Variants in CNTN5 observed in about 807,000 individuals in gnomAD.
CNTN5 encodes the protein contactin 5.
In CNTN5, 77 loss-of-function variants were observed where a neutral mutation model predicts 129.1. That is an observed-to-expected ratio of 0.60 (90% CI 0.50 to 0.72). CNTN5 has a LOEUF of 0.72. Ranked by LOEUF, CNTN5 falls within the 30% of genes least tolerant of loss-of-function variation. The pLI is 0.00. For missense variants in CNTN5, 1,478 were observed against 1,328.8 expected (o/e 1.11, Z -1.75); for synonymous variants, 509 against 465.6 (o/e 1.09, Z -1.20).
chr11:99,777,990 G>A (rs371519847), intron 3 of CNTN5, among the ~76,000 whole-genome samples: 5 of 151,876 alleles, frequency 3.3e-5, no homozygotes, highest in African/African-American at 1.2e-4. Context: ...CATAATAGGC[G>A]TACCCTTACA....
At chr11:100,351,562 A>G (rs1211595833) in intron 24 of CNTN5, among the ~76,000 whole-genome samples, 1 of 150,844 alleles carries the variant, frequency 6.6e-6, no homozygotes, top group East Asian at 2.0e-4. Flanking sequence ...ACATATCTCC[A>G]TCACCACCAT....
intron 3 of CNTN5, among the ~76,000 whole-genome samples, chr11:99,569,796 G>T (rs908434297): frequency 6.6e-6 from 1 of 152,036 alleles, no homozygotes; most frequent in Non-Finnish European, 1.5e-5. Context: ...GTAATTTCTG[G>T]TGAAGAAACA....
intron 2 of CNTN5, among the ~76,000 whole-genome samples, chr11:99,352,529 T>C (rs1318618892): frequency 1.3e-5 from 2 of 152,170 alleles, no homozygotes; most frequent in African/African-American, 4.8e-5. Flanking sequence ...TTTTTTTCTA[T>C]AACTGATCTC....
rs539378488 is a variant in CNTN5, at chr11:99,758,005, A to G, written c.56-61539A>G. ...CATTTTGCTTAATTGTAGAAGCAGT[A>G]TTTTAGAAACAAAATACTAATCTTT... On this transcript the variant is annotated intron_variant, in intron 3 of 24. Transcript: ENST00000524871. Among the ~76,000 whole-genome samples, 11 of 152,190 alleles carry G rather than the reference A, an allele frequency of 7.2e-5. No individual in the cohort carries two copies. In the South Asian group the frequency reaches 2.1e-3, roughly 29 times the overall value.
intron 1 of CNTN5, among the ~76,000 whole-genome samples, chr11:99,138,926 G>C (rs1859372826): frequency 6.6e-6 from 1 of 152,068 alleles, no homozygotes. Flanking sequence ...AATAGATATG[G>C]TAGCAAAGAA....
At chr11:99,128,387 G>C (rs985744782) in intron 1 of CNTN5, among the ~76,000 whole-genome samples, 2 of 152,196 alleles carry the variant, frequency 1.3e-5, no homozygotes, top group African/African-American at 4.8e-5. Context: ...CGGCCAGACT[G>C]CTTCTTTAGG....
At chr11:100,052,704 A>G (rs771296866) in intron 9 of CNTN5, among the ~76,000 whole-genome samples, 4 of 151,788 alleles carry the variant, frequency 2.6e-5, no homozygotes, top group African/African-American at 4.8e-5. Flanking sequence ...AAATTTAGCA[A>G]GCTACTTCTG....
chr11:99,980,072 C>T (rs1938236198), intron 8 of CNTN5, among the ~76,000 whole-genome samples: 1 of 152,150 alleles, frequency 6.6e-6, no homozygotes, highest in Non-Finnish European at 1.5e-5. Context: ...ATGATTAGTG[C>T]ATAACCTGAA....
Position 99,556,165 on chromosome 11 carries a change from C to A in CNTN5, c.-50C>A, listed in dbSNP as rs1448015610. On this transcript the variant is annotated 5_prime_UTR_variant, in exon 3 of 25. Transcript: ENST00000524871. ...AACAGGGCACTCTTTAATGAAGAAACACCAGAGCTGTTAAACACATTGAGA... is the reference window on the plus strand; with the variant it reads ...AACAGGGCACTCTTTAATGAAGAAAAACCAGAGCTGTTAAACACATTGAGA... 1 of 1,117,902 alleles carries A rather than the reference C, an allele frequency of 8.9e-7. No individual in the cohort carries two copies. The highest frequency in any genetic ancestry group is 1.3e-6 in the Non-Finnish European group (1 of 794,816). 69.2% of individuals were successfully genotyped at this position (1,117,902 alleles called of 1,614,324 possible).
chr11:99,255,219 G>A (rs1248556888), intron 1 of CNTN5, among the ~76,000 whole-genome samples: 1 of 151,816 alleles, frequency 6.6e-6, no homozygotes, highest in Admixed American at 6.6e-5. Flanking sequence ...AAGAGTTAAT[G>A]ATTTGGGGAT....
intron 2 of CNTN5, among the ~76,000 whole-genome samples, chr11:99,420,819 G>C (rs957603359): frequency 3.9e-5 from 6 of 152,042 alleles, no homozygotes; most frequent in Non-Finnish European, 7.4e-5. Context: ...ATAAAATTTT[G>C]ATATATTTCC....
intron 6 of CNTN5, among the ~76,000 whole-genome samples, chr11:99,847,230 A>G: frequency 6.6e-6 from 1 of 152,330 alleles, no homozygotes; most frequent in East Asian, 1.9e-4. Context: ...TAGAGCAGAA[A>G]GCTATTTATT....
At chr11:99,645,776 C>T (rs61910885) in intron 3 of CNTN5, among the ~76,000 whole-genome samples, 1 of 150,944 alleles carries the variant, frequency 6.6e-6, no homozygotes, top group Non-Finnish European at 1.5e-5. Context: ...GGGAGGGGAA[C>T]ATTGCACACT....
chr11:99,858,189 A>T (rs531498301), intron 6 of CNTN5, among the ~76,000 whole-genome samples: 1 of 152,268 alleles, frequency 6.6e-6, no homozygotes, highest in African/African-American at 2.4e-5. Flanking sequence ...ACAGGAAATT[A>T]AATAGCATTT....
intron 2 of CNTN5, among the ~76,000 whole-genome samples, chr11:99,379,257 TATTA>T (rs1009263141): frequency 4.6e-5 from 7 of 150,626 alleles, no homozygotes; most frequent in African/African-American, 7.3e-5. Flanking sequence ...ATATTAATTA[TATTA>T]ATTAATTAAT....
In CNTN5 at chr11:99,738,744, G is replaced by C. The variant is rs563592877; in HGVS notation, c.56-80800G>C. 1.5e-3 allele frequency among the ~76,000 whole-genome samples: 224 copies of C among 151,988 alleles called. 3 individuals are homozygous for C. The highest frequency in any genetic ancestry group is 5.3e-3 in the African/African-American group (221 of 41,472). ...AGGTATTCAAATGCCACAGGACCTG[G>C]GGCTTGAAATTCAGGCAAAGGAACT... On this transcript the variant is annotated intron_variant, in intron 3 of 24. Transcript: ENST00000524871.
intron 1 of CNTN5, among the ~76,000 whole-genome samples, chr11:99,050,672 C>A (rs1864390637): frequency 6.6e-6 from 1 of 151,732 alleles, no homozygotes; most frequent in Admixed American, 6.6e-5. Flanking sequence ...GAGTTACTCA[C>A]ATAGTTACTA....
intron 4 of CNTN5, among the ~76,000 whole-genome samples, chr11:99,841,421 T>C (rs926209822): frequency 1.3e-5 from 2 of 152,176 alleles, no homozygotes; most frequent in East Asian, 1.9e-4. Flanking sequence ...TGTCTTCTTA[T>C]ACGGCTAACT....
intron 3 of CNTN5, among the ~76,000 whole-genome samples, chr11:99,692,166 C>T (rs1954066730): frequency 6.6e-6 from 1 of 152,096 alleles, no homozygotes; most frequent in African/African-American, 2.4e-5. Flanking sequence ...TTGAAGACAG[C>T]ATATGAATGG....
Sources: allele counts gnomAD v4.1 joint callset (sites outside exome capture counted in the v4.1 genomes callset), GRCh38; gene constraint gnomAD v4.1.1; transcripts MANE v1.5; gene names NCBI Gene and HGNC (gene_info 2026-07-23, HGNC 2026-07-21).